COPG1: variants seen among roughly 807,000 people sequenced by gnomAD.
COPG1 encodes coatomer subunit gamma-1.
Under a neutral mutation model 102.8 loss-of-function variants are expected in COPG1, and 29 were observed. That is an observed-to-expected ratio of 0.28 (90% CI 0.21 to 0.38). COPG1 has a LOEUF of 0.38. Ranked by LOEUF, COPG1 falls within the 10% of genes least tolerant of loss-of-function variation. COPG1 has a pLI of 1.00. For missense variants in COPG1, 875 were observed against 1,132.7 expected (o/e 0.77, Z 3.27); for synonymous variants, 406 against 421.6 (o/e 0.96, Z 0.45).
chr3:129,271,436 C>G lies in COPG1; in HGVS notation c.1844-331C>G, dbSNP rs1171146019. On this transcript the variant is annotated intron_variant, in intron 18 of 23. Transcript: ENST00000314797. This position sits in a 1 kb window ranked among gnomAD's most constrained non-coding sequence, Gnocchi z 4.7. Reference sequence around the variant, plus strand: ...TAAGAATCCTTGCTGCGGTAGGGGGCGGAAATCCTTGCTAAGCTTCTATAG... The same window carrying G: ...TAAGAATCCTTGCTGCGGTAGGGGGGGGAAATCCTTGCTAAGCTTCTATAG... 2.0e-5 allele frequency among the ~76,000 whole-genome samples: 3 copies of G among 152,084 alleles called. No homozygotes were observed. The highest frequency in any genetic ancestry group is 7.2e-5 in the African/African-American group (3 of 41,412).
intron 5 of COPG1, among the ~76,000 whole-genome samples, chr3:129,254,168 G>A (rs2107673064): frequency 6.6e-6 from 1 of 151,438 alleles, no homozygotes; most frequent in Admixed American, 6.6e-5. Flanking sequence ...ATGGTGGCAT[G>A]TGCCTGTAGT....
At chr3:129,263,850 G>A in intron 12 of COPG1, 54 bp from the exon 13 acceptor site, 1 of 1,505,910 alleles carries the variant, frequency 6.6e-7, no homozygotes, top group Non-Finnish European at 9.2e-7. Context: ...AGGGAACTGA[G>A]TCACCCCATC....
intron 1 of COPG1, 47 bp from the exon 2 acceptor site, chr3:129,250,635 T>C (rs760515992): frequency 6.6e-7 from 1 of 1,506,804 alleles, no homozygotes; most frequent in South Asian, 1.1e-5. Flanking sequence ...GGGAGAGTTT[T>C]GAAGTTCAGA....
chr3:129,252,843 G>C (rs777692321), intron 4 of COPG1, 33 bp from the exon 5 acceptor site: 1 of 1,608,290 alleles, frequency 6.2e-7, no homozygotes, highest in African/African-American at 1.3e-5. Flanking sequence ...TGGTGAGCCC[G>C]GGCTGATAGG....
intron 5 of COPG1, among the ~76,000 whole-genome samples, chr3:129,253,768 G>A (rs957542932): frequency 3.3e-5 from 5 of 152,000 alleles, no homozygotes; most frequent in Non-Finnish European, 5.9e-5. Context: ...CACAGACTGC[G>A]ATGGGTGGAT....
chr3:129,268,934 A>G lies in COPG1; in HGVS notation c.1777A>G (p.Ser593Gly). 6.2e-7 allele frequency: 1 copy of G among 1,614,150 alleles called. No homozygotes were observed. The highest frequency in any genetic ancestry group is 8.5e-7 in the Non-Finnish European group (1 of 1,179,992). The change falls in exon 18 of 24, where the codon AGT (serine) becomes GGT (glycine). Residue 593 changes from serine to glycine, a missense_variant and splice_region_variant. Physicochemically the swap from Ser to Gly is moderately conservative, Grantham distance 56. Transcript: ENST00000314797. Reference protein sequence around the residue: ...TAPMAEQRTESTPITAVKQPE... With the variant: ...TAPMAEQRTEGTPITAVKQPE... The stretch of plus-strand genomic sequence containing the variant: ...ACGTGTATAATTTGCTCCTGCAGAA[A>G]GTACCCCCATCACAGCAGTCAAACA...
At chr3:129,251,375 A>C (rs1288589824) in intron 2 of COPG1, among the ~76,000 whole-genome samples, 1 of 119,196 alleles carries the variant, frequency 8.4e-6, no homozygotes, top group East Asian at 2.5e-4. Flanking sequence ...TATTTTTTAT[A>C]TATATATATA....
At position 129,252,635 on chromosome 3, in the gene COPG1, G is replaced by C. The variant is rs752142619; in HGVS notation, c.184G>C (p.Gly62Arg). 1 of 1,613,932 alleles carries C rather than the reference G, an allele frequency of 6.2e-7. No homozygotes were observed. The highest frequency in any genetic ancestry group is 1.3e-5 in the African/African-American group (1 of 74,912). ...LYLINQGEHL[G>R]TTEATEAFFA... ...TTGATTAACACAGGGGGAGCACCTGGGGACCACGGAAGCGACCGAGGCCTT... is the reference window on the plus strand; with the variant it reads ...TTGATTAACACAGGGGGAGCACCTGCGGACCACGGAAGCGACCGAGGCCTT... The change falls in exon 4 of 24, where the codon GGG becomes CGG. Residue 62 changes from glycine (G) to arginine (R), a missense_variant. Physicochemically the swap from Gly to Arg is moderately radical, Grantham distance 125. Transcript: ENST00000314797.
intron 23 of COPG1, among the ~76,000 whole-genome samples, chr3:129,276,352 G>A (rs1560069214): frequency 6.6e-6 from 1 of 152,174 alleles, no homozygotes; most frequent in Non-Finnish European, 1.5e-5. Flanking sequence ...CTCCTTCCCA[G>A]ATTATTTACT....
Position 129,260,743 on chromosome 3 carries a change from G to A in COPG1, c.1064G>A (p.Ser355Asn), listed in dbSNP as rs1281011924. Residue 355 changes from serine to asparagine, a missense_variant, in exon 12 of 24, where the codon AGC (serine) becomes AAC (asparagine). Transcript: ENST00000314797. ...ITTLLKTGSE[S>N]SIDRLMKQIS... ...ACCCTCCTTAAGACGGGCAGCGAGA[G>A]CAGCATCGACCGCCTCATGAAGCAG... The A allele has an allele frequency of 6.2e-7, 1 of 1,613,244 alleles. No individual in the cohort carries two copies. The highest frequency in any genetic ancestry group is 8.5e-7 in the Non-Finnish European group (1 of 1,180,012).
chr3:129,251,984 C>T (rs183642022), intron 2 of COPG1, among the ~76,000 whole-genome samples: 16 of 152,312 alleles, frequency 1.1e-4, no homozygotes, highest in African/African-American at 3.4e-4. Context: ...TGCGTCCAGC[C>T]GCTTCTTTCT....
rs374157933 is a variant in COPG1 at position 129,254,882 on chromosome 3, C to T, written c.400-103C>T. 8.8e-5 allele frequency: 105 copies of T among 1,188,806 alleles called. No individual in the cohort carries two copies. The East Asian group carries it at 9.4e-4, about 11-fold the overall frequency. 73.6% of individuals were successfully genotyped at this position (1,188,806 alleles called of 1,614,324 possible). ...GCAGTGTGCAGGAGCACATGAGAAA[C>T]GCTTACTTCCTCCTCATACTCATCT... On this transcript the variant is annotated intron_variant, in intron 6 of 23. Coordinates refer to ENST00000314797, the MANE Select transcript of COPG1 (RefSeq NM_016128.4).
In COPG1 at chr3:129,264,135, C is replaced by T. The variant is rs4927942; in HGVS notation, c.1224+136C>T. On this transcript the variant is annotated intron_variant, in intron 13 of 23. Coordinates refer to ENST00000314797, the MANE Select transcript of COPG1 (RefSeq NM_016128.4). ...ACTGGTTTTCATGGTGCCTGCAACC[C>T]TTTAAACTCCTTGTGGACATGTAAA... 2,233 of 706,068 alleles carry T rather than the reference C, an allele frequency of 3.2e-3. 9 individuals are homozygous for T. The highest frequency in any genetic ancestry group is 0.014 in the African/African-American group (824 of 57,242). The allele number at this position is 706,068 out of a possible 1,614,324, so 43.7% of individuals were successfully genotyped here.
rs138735243 is a variant in COPG1 at position 129,268,015 on chromosome 3, C to T, written c.1623C>T (p.Ala541=). 498 of 1,613,826 alleles carry T rather than the reference C, an allele frequency of 3.1e-4. No individual in the cohort carries two copies. The highest frequency in any genetic ancestry group is 3.8e-4 in the Non-Finnish European group (447 of 1,179,906). The change falls in exon 16 of 24, where the codon GCC becomes GCT. Residue 541 remains alanine (A), a synonymous_variant. Transcript: ENST00000314797. ...ATGTCCTGGAGCAGAAGCAGAAGGC[C>T]CTTAATGCAGGCTATATCCTAAATG... ...YLNVLEQKQK[A]LNAGYILNGL...
chr3:129,260,313 T>G lies in COPG1; in HGVS notation c.872-20T>G, dbSNP rs1368637101. 6.2e-7 allele frequency: 1 copy of G among 1,613,118 alleles called. No individual in the cohort carries two copies. The highest frequency in any genetic ancestry group is 8.5e-7 in the Non-Finnish European group (1 of 1,179,252). The stretch of plus-strand genomic sequence containing the variant: ...CCAGCAGTGAAGGCAACCTGACATG[T>G]GGCATCCATCTCCCCACAGTGCTCC... On this transcript the variant is annotated intron_variant, in intron 10 of 23. Coordinates refer to ENST00000314797, the MANE Select transcript of COPG1 (RefSeq NM_016128.4).
chr3:129,250,655 T>C (rs1405630993), intron 1 of COPG1, 27 bp from the exon 2 acceptor site: 2 of 1,606,096 alleles, frequency 1.2e-6, no homozygotes, highest in African/African-American at 1.3e-5. Flanking sequence ...AGTCACAACC[T>C]ACCTTCTCCA....
chr3:129,260,407 G>A lies in COPG1; in HGVS notation c.939+7G>A. 1.2e-6 allele frequency: 2 copies of A among 1,613,832 alleles called. No homozygotes were observed. The highest frequency in any genetic ancestry group is 2.2e-5 in the South Asian group (2 of 91,068). ...TGTTCGTACCCTCAATAAGGTAAGA[G>A]TCCAGCTTGGGGGTTGGAGGAAGCT... On this transcript the variant is annotated splice_region_variant and intron_variant, in intron 11 of 23. Transcript: ENST00000314797.
At chr3:129,255,487 C>CT (rs528208821) in intron 7 of COPG1, among the ~76,000 whole-genome samples, 22,291 of 126,862 alleles carry the variant, frequency 0.18, 2,839 homozygotes, top group African/African-American at 0.38. Context: ...TCTCTTTCTT[C>CT]TTTTTTTTTT....
chr3:129,272,916 G>A lies in COPG1; in HGVS notation c.2256+12G>A. The A allele has an allele frequency of 6.6e-7, 1 of 1,519,848 alleles. No homozygotes were observed. The highest frequency in any genetic ancestry group is 9.1e-7 in the Non-Finnish European group (1 of 1,097,546). The allele number at this position is 1,519,848 out of a possible 1,614,324, so 94.1% of individuals were successfully genotyped here. Reference sequence around the variant, plus strand: ...AGGATGAGTATGTGGTAAGATCCTGGTGTCAGGAAGCTCAGTTTTGTGCTG... The same window carrying A: ...AGGATGAGTATGTGGTAAGATCCTGATGTCAGGAAGCTCAGTTTTGTGCTG... On this transcript the variant is annotated intron_variant, in intron 21 of 23. Coordinates refer to ENST00000314797, the MANE Select transcript of COPG1 (RefSeq NM_016128.4).
Sources: allele counts gnomAD v4.1 joint callset (sites outside exome capture counted in the v4.1 genomes callset), GRCh38; gene constraint gnomAD v4.1.1; non-coding constraint Gnocchi (gnomAD v3.1); transcripts MANE v1.5; gene names NCBI Gene and HGNC (gene_info 2026-07-23, HGNC 2026-07-21).